Variants in BAD observed in about 807,000 individuals in gnomAD.
BAD encodes the protein bcl2-associated agonist of cell death.
BAD carries 18 observed loss-of-function variants against 17.8 expected under a neutral mutation model. The ratio of observed to expected loss-of-function variants is 1.01; its 90% CI spans 0.70 to 1.50. BAD has a LOEUF of 1.50. Among genes scored for constraint, BAD ranks in the 40% most tolerant of loss-of-function variants. The pLI is 0.00. For missense variants in BAD, 294 were observed against 239.3 expected, an observed-to-expected ratio of 1.23 and a Z score of -1.51; for synonymous variants, 112 against 91.5, an observed-to-expected ratio of 1.22 and a Z score of -1.28.
At chr11:64,277,845 C>A (rs2033174138) in intron 2 of BAD, among the ~76,000 whole-genome samples, 1 of 152,196 alleles carries the variant, frequency 6.6e-6, no homozygotes, top group Non-Finnish European at 1.5e-5. Flanking sequence ...ACCTTTGTGG[C>A]CAGAGCTGAA....
rs541265239 is a variant in BAD at position 64,269,984 on chromosome 11, G to C, written c.*225C>G. On this transcript the variant is annotated 3_prime_UTR_variant, in exon 4 of 4. Coordinates refer to ENST00000309032, the MANE Select transcript of BAD (RefSeq NM_032989.3). ...GCCCGGAGCCTGAGGGCGGGGCCAC[G>C]GAGCCACTTCCGGCGGCTGTGGGCG... The C allele has an allele frequency of 2.4e-6, 2 of 831,166 alleles. No homozygotes were observed. The highest frequency in any genetic ancestry group is 3.9e-6 in the Non-Finnish European group (2 of 513,432). 51.5% of individuals were successfully genotyped at this position (831,166 alleles called of 1,614,324 possible). A position where few individuals can be genotyped will look rare whatever the true frequency, so the allele number is the denominator to read the frequency against.
At chr11:64,274,842 A>G (rs2032932109) in intron 2 of BAD, among the ~76,000 whole-genome samples, 1 of 151,598 alleles carries the variant, frequency 6.6e-6, no homozygotes, top group Non-Finnish European at 1.5e-5. Flanking sequence ...GAAACTAGCC[A>G]GGCATGGTGG....
chr11:64,278,835 G>A (rs1022244510), intron 2 of BAD, among the ~76,000 whole-genome samples: 3 of 152,244 alleles, frequency 2.0e-5, no homozygotes, highest in African/African-American at 7.2e-5. Context: ...AACCAAGTGT[G>A]AGTTGCTCTG....
At position 64,271,750 on chromosome 11, in the gene BAD, C is replaced by G. The variant is rs762780261; in HGVS notation, c.241G>C (p.Glu81Gln). ...SRHSSYPAGT[E>Q]DDEGMGEEPS... is the part of the protein sequence containing the mutation. ...TCCTCCCCCATCCCTTCGTCGTCCT[C>G]CGTCCCCGCGGGGTAGGAGCTGTGG... is the stretch of plus-strand genomic sequence containing the variant. The change falls in exon 3 of 4, where the codon GAG becomes CAG. Residue 81 changes from glutamate (E) to glutamine (Q), a missense_variant. Coordinates refer to ENST00000309032, the MANE Select transcript of BAD (RefSeq NM_032989.3). 4 of 1,451,562 alleles carry G rather than the reference C, an allele frequency of 2.8e-6. No homozygotes were observed. The highest frequency in any genetic ancestry group is 3.6e-6 in the Non-Finnish European group (4 of 1,102,652). 89.9% of individuals were successfully genotyped at this position (1,451,562 alleles called of 1,614,324 possible).
intron 2 of BAD, chr11:64,276,954 C>G (rs572347455): frequency 1.3e-6 from 1 of 754,516 alleles, no homozygotes. Context: ...GCGGCTGGGG[C>G]GGACATCCCT....
chr11:64,283,115 C>T (rs185861247), intron 2 of BAD, among the ~76,000 whole-genome samples: 200 of 152,234 alleles, frequency 1.3e-3, no homozygotes, highest in African/African-American at 4.5e-3. Flanking sequence ...CTGAGAGAAT[C>T]GAGTGTGGGT....
chr11:64,274,188 C>G (rs932574652), intron 2 of BAD, among the ~76,000 whole-genome samples: 2 of 150,618 alleles, frequency 1.3e-5, no homozygotes, highest in Admixed American at 6.6e-5. Context: ...GTCAGGAGAT[C>G]GAGACCATCC....
chr11:64,282,437 A>C (rs979958433), intron 2 of BAD, among the ~76,000 whole-genome samples: 1 of 152,156 alleles, frequency 6.6e-6, no homozygotes, highest in Non-Finnish European at 1.5e-5. Flanking sequence ...CCCCACCTCT[A>C]CAAAAAATAA....
At chr11:64,271,957 T>C (rs2032662453) in intron 2 of BAD, 154 bp from the exon 3 acceptor site, 8 of 512,106 alleles carry the variant, frequency 1.6e-5, no homozygotes, top group Middle Eastern at 5.4e-4. Flanking sequence ...GTCCCTTGTA[T>C]GTGAATCGAG....
Position 64,270,148 on chromosome 11 carries a change from T to C in BAD, c.*61A>G, listed in dbSNP as rs374193764. On this transcript the variant is annotated 3_prime_UTR_variant, in exon 4 of 4. Transcript: ENST00000309032. ...GGCCTGAGGGAAGTACTTCCGCCCATATTCAAGATGGCTGCCCAGGGCAGT... is the reference window on the plus strand; with the variant it reads ...GGCCTGAGGGAAGTACTTCCGCCCACATTCAAGATGGCTGCCCAGGGCAGT... 4.4e-5 allele frequency: 71 copies of C among 1,612,482 alleles called. No homozygotes were observed. Among genetic ancestry groups the C allele is most frequent in the Middle Eastern group, 3.3e-4 (2 of 6,084 alleles).
At chr11:64,276,950 G>A in intron 2 of BAD, 1 of 756,094 alleles carries the variant, frequency 1.3e-6, no homozygotes, top group South Asian at 1.4e-5. Context: ...GTCAGCGGCT[G>A]GGGCGGACAT....
At chr11:64,280,691 G>A (rs1463180782) in intron 2 of BAD, among the ~76,000 whole-genome samples, 2 of 150,748 alleles carry the variant, frequency 1.3e-5, no homozygotes, top group Non-Finnish European at 2.9e-5. Context: ...TTTTTGAGAC[G>A]GACTCTTGCT....
In BAD at chr11:64,284,264, G is replaced by T; in HGVS notation, c.105C>A (p.Gly35=). 1 of 1,611,330 alleles carries T rather than the reference G, an allele frequency of 6.2e-7. No individual in the cohort carries two copies. Among genetic ancestry groups the T allele is most frequent in the Middle Eastern group, 1.7e-4 (1 of 6,058 alleles). The change falls in exon 2 of 4, where the codon GGC becomes GGA. Residue 35 remains glycine (G), a synonymous_variant. Coordinates refer to ENST00000309032, the MANE Select transcript of BAD (RefSeq NM_032989.3). ...GGCCTGGGGCCTGGCGATGATGCTT[G>T]CCGGAGCCTGAGGGCCCGTCCCCTG... The part of the protein sequence containing the change: ...SPAGDGPSGS[G]KHHRQAPGLL...
chr11:64,283,729 C>T (rs1286492332), intron 2 of BAD, among the ~76,000 whole-genome samples: 2 of 152,208 alleles, frequency 1.3e-5, no homozygotes, highest in African/African-American at 4.8e-5. Context: ...AGGCAGGCCC[C>T]TTTTCCTTTT....
At chr11:64,280,290 A>G (rs1400853073) in intron 2 of BAD, among the ~76,000 whole-genome samples, 1 of 141,404 alleles carries the variant, frequency 7.1e-6, no homozygotes, top group Non-Finnish European at 1.5e-5. Context: ...ACTGCACTCC[A>G]GCCTGGGCGA....
intron 2 of BAD, chr11:64,276,709 G>T: frequency 1.8e-6 from 1 of 558,642 alleles, no homozygotes; most frequent in Non-Finnish European, 3.2e-6. Context: ...GGAAGGAGAG[G>T]GCTGGGGCAG....
In BAD at chr11:64,270,092, A is replaced by T; in HGVS notation, c.*117T>A. The T allele has an allele frequency of 6.6e-7, 1 of 1,523,228 alleles. No individual in the cohort carries two copies. Among genetic ancestry groups the T allele is most frequent in the Non-Finnish European group, 9.0e-7 (1 of 1,116,456 alleles). 94.4% of individuals were successfully genotyped at this position (1,523,228 alleles called of 1,614,324 possible). On this transcript the variant is annotated 3_prime_UTR_variant, in exon 4 of 4. Coordinates refer to ENST00000309032, the MANE Select transcript of BAD (RefSeq NM_032989.3). ...GGAATCTGGGTCAGCCCTCCCTCCA[A>T]AGGAGACAGCACGGATCCTCTTTTT...
chr11:64,283,680 C>T (rs929589195), intron 2 of BAD, among the ~76,000 whole-genome samples: 9 of 152,246 alleles, frequency 5.9e-5, no homozygotes, highest in Non-Finnish European at 1.2e-4. Flanking sequence ...TTCCAGCCCC[C>T]ACATTCTAAG....
At chr11:64,278,881 C>T (rs745621353) in intron 2 of BAD, among the ~76,000 whole-genome samples, 2 of 152,214 alleles carry the variant, frequency 1.3e-5, no homozygotes, top group African/African-American at 4.8e-5. Flanking sequence ...GTGGCTCTGG[C>T]GGGGCACTGG....
Sources: allele counts gnomAD v4.1 joint callset (sites outside exome capture counted in the v4.1 genomes callset), GRCh38; gene constraint gnomAD v4.1.1; transcripts MANE v1.5; gene names NCBI Gene and HGNC (gene_info 2026-07-23, HGNC 2026-07-21).